The following SEMA3C variants were observed in gnomAD, a reference collection of about 807,000 sequenced individuals.
SEMA3C encodes semaphorin 3C.
SEMA3C carries 47 observed loss-of-function variants against 89.4 expected under a neutral mutation model. The ratio of observed to expected loss-of-function variants is 0.53; its 90% CI spans 0.42 to 0.67. The LOEUF is 0.67. Ranked by LOEUF, SEMA3C falls within the 30% of genes least tolerant of loss-of-function variation. The pLI is 0.00. For synonymous variants in SEMA3C, 310 were observed against 320.2 expected (o/e 0.97, Z 0.34); for missense variants, 839 against 929.1 (o/e 0.90, Z 1.26).
At chr7:80,864,418 T>A (rs1790878202) in intron 2 of SEMA3C, among the ~76,000 whole-genome samples, 1 of 151,886 alleles carries the variant, frequency 6.6e-6, no homozygotes. Context: ...AAAAGTAAAA[T>A]AAAGAAGATA....
chr7:80,890,401 T>C (rs886479536), intron 2 of SEMA3C, among the ~76,000 whole-genome samples: 5 of 152,092 alleles, frequency 3.3e-5, no homozygotes, highest in African/African-American at 4.8e-5. Flanking sequence ...GTTAAAAGTG[T>C]ATAAAGAAAA....
chr7:80,871,467 G>A lies in SEMA3C; in HGVS notation c.104-42722C>T, dbSNP rs535283718. Among the ~76,000 whole-genome samples the A allele has an allele frequency of 1.8e-4, 28 of 152,182 alleles. 1 individual carries two copies. The East Asian group carries it at 4.8e-3, about 26-fold the overall frequency. On this transcript the variant is annotated intron_variant, in intron 2 of 17. Transcript: ENST00000265361. Reference sequence around the variant, plus strand: ...CATTCAAACATTATGCTAATTTATTGATTTGCTTATTCTAAAATGTATACT... The same window carrying A: ...CATTCAAACATTATGCTAATTTATTAATTTGCTTATTCTAAAATGTATACT...
intron 2 of SEMA3C, among the ~76,000 whole-genome samples, chr7:80,845,843 A>G (rs1242496377): frequency 6.6e-6 from 1 of 152,120 alleles, no homozygotes; most frequent in Non-Finnish European, 1.5e-5. Context: ...TCGTGCTTCT[A>G]TCTGAATTAA....
In SEMA3C at chr7:80,744,830, C is replaced by A. The variant is rs751110690; in HGVS notation, c.*64G>T. The stretch of plus-strand genomic sequence containing the variant: ...TTGGTAAAGCACAAGTTTCTTTGCT[C>A]AAAATTTGATCATTGAAGACAGAGC... On this transcript the variant is annotated 3_prime_UTR_variant, in exon 18 of 18. Coordinates refer to ENST00000265361, the MANE Select transcript of SEMA3C (RefSeq NM_006379.5). 1.9e-5 allele frequency: 30 copies of A among 1,577,616 alleles called. No homozygotes were observed. In the Admixed American group the frequency reaches 3.7e-4, roughly 19 times the overall value.
rs1356530373 is a variant in SEMA3C at position 80,849,432 on chromosome 7, CTATA to C, written c.104-20691_104-20688del. On this transcript the variant is annotated intron_variant, in intron 2 of 17. Coordinates refer to ENST00000265361, the MANE Select transcript of SEMA3C (RefSeq NM_006379.5). ...AATATTTTGTTTTTAAACTGATCAACTATAAGTTTCTTTTATCATTATCTCTATT... is the reference window on the plus strand; with the variant it reads ...AATATTTTGTTTTTAAACTGATCAACAGTTTCTTTTATCATTATCTCTATT... 1.9e-3 allele frequency among the ~76,000 whole-genome samples: 294 copies of C among 152,074 alleles called. 3 individuals are homozygous for C. The East Asian group carries it at 0.022, about 11-fold the overall frequency.
intron 2 of SEMA3C, among the ~76,000 whole-genome samples, chr7:80,904,581 G>A (rs181204110): frequency 6.6e-6 from 1 of 152,200 alleles, no homozygotes. Flanking sequence ...TTGAGTAAGG[G>A]GGCTAAACTT....
intron 2 of SEMA3C, among the ~76,000 whole-genome samples, chr7:80,843,481 A>C (rs1790318388): frequency 6.6e-6 from 1 of 152,160 alleles, no homozygotes; most frequent in South Asian, 2.1e-4. Flanking sequence ...GTGTGGCTTT[A>C]GGCAACTTAC....
At chr7:80,750,473 T>TATACACACACACACAC (rs869227686) in intron 16 of SEMA3C, among the ~76,000 whole-genome samples, 43 of 55,414 alleles carry the variant, frequency 7.8e-4, no homozygotes, top group Non-Finnish European at 1.3e-3. Context: ...TATATATATA[T>TATACACACACACACAC]ACACACACAC....
chr7:80,827,275 C>T, intron 4 of SEMA3C, 150 bp downstream of exon 4: 1 of 692,782 alleles, frequency 1.4e-6, no homozygotes, highest in Non-Finnish European at 2.2e-6. Context: ...GTTCCAGTCT[C>T]CTCAAGGTTT....
chr7:80,869,371 G>T (rs1227755273), intron 2 of SEMA3C, among the ~76,000 whole-genome samples: 1 of 152,144 alleles, frequency 6.6e-6, no homozygotes, highest in Non-Finnish European at 1.5e-5. Context: ...TCGTAGATTG[G>T]TTCTTAAATG....
At position 80,894,730 on chromosome 7, in the gene SEMA3C, CTA is replaced by C. The variant is rs1271718710; in HGVS notation, c.103+21947_103+21948del. On this transcript the variant is annotated intron_variant, in intron 2 of 17. Transcript: ENST00000265361. ...ACTGATCCTAATTTACCTTTCATAA[CTA>C]TTTTTTTTAATGCCTGATTGGACCC... Among the ~76,000 whole-genome samples, 13 of 152,076 alleles carry C rather than the reference CTA, an allele frequency of 8.5e-5. No individual in the cohort carries two copies. In the East Asian group the frequency reaches 2.5e-3, roughly 29 times the overall value.
chr7:80,853,573 T>G (rs1790566467), intron 2 of SEMA3C, among the ~76,000 whole-genome samples: 1 of 152,032 alleles, frequency 6.6e-6, no homozygotes, highest in Non-Finnish European at 1.5e-5. Flanking sequence ...TAAAAGCAAT[T>G]GAACTCAGGG....
intron 12 of SEMA3C, among the ~76,000 whole-genome samples, chr7:80,771,174 G>A (rs1004129127): frequency 5.9e-5 from 9 of 152,206 alleles, no homozygotes; most frequent in Non-Finnish European, 1.3e-4. Flanking sequence ...AACGTTCTCA[G>A]TAAATGGAAG....
At chr7:80,847,432 T>G (rs1270010835) in intron 2 of SEMA3C, 2 of 152,142 alleles carry the variant, frequency 1.3e-5, no homozygotes, top group Non-Finnish European at 2.9e-5. Flanking sequence ...TAACATTAGA[T>G]TTGGTAGATA....
At chr7:80,754,957 G>GTTTTTTTTTTGTTTTTTTTTTT (rs1449995090) in intron 15 of SEMA3C, among the ~76,000 whole-genome samples, 14,838 of 103,618 alleles carry the variant, frequency 0.14, 2,191 homozygotes, top group Non-Finnish European at 0.21. Context: ...GTTTTTTTTT[G>GTTTTTTTTTTGTTTTTTTTTTT]TTTTTTTTTT....
chr7:80,781,324 T>C (rs1788685751), intron 12 of SEMA3C, among the ~76,000 whole-genome samples: 1 of 152,210 alleles, frequency 6.6e-6, no homozygotes. Context: ...GAGGCATTAT[T>C]CTGCCCACCC....
chr7:80,806,314 C>A (rs898996601), intron 6 of SEMA3C, among the ~76,000 whole-genome samples: 8 of 151,950 alleles, frequency 5.3e-5, no homozygotes, highest in Non-Finnish European at 1.2e-4. Flanking sequence ...TAAGATCATC[C>A]TAAATGGATT....
At chr7:80,816,902 A>C (rs534258370) in intron 5 of SEMA3C, among the ~76,000 whole-genome samples, 1 of 152,346 alleles carries the variant, frequency 6.6e-6, no homozygotes, top group South Asian at 2.1e-4. Context: ...GGCAATTCGT[A>C]CATGGGAAAA....
At chr7:80,873,385 T>TATGACAATGATGATGATG (rs921850195) in intron 2 of SEMA3C, among the ~76,000 whole-genome samples, 1 of 152,184 alleles carries the variant, frequency 6.6e-6, no homozygotes, top group African/African-American at 2.4e-5. Flanking sequence ...TTACTATCTT[T>TATGACAATGATGATGATG]ATGACAATGA....
Sources: allele counts gnomAD v4.1 joint callset (sites outside exome capture counted in the v4.1 genomes callset), GRCh38; gene constraint gnomAD v4.1.1; transcripts MANE v1.5; gene names NCBI Gene and HGNC (gene_info 2026-07-23, HGNC 2026-07-21).